The following STK36 variants were observed in gnomAD, a reference collection of about 807,000 sequenced individuals.
The protein encoded by STK36 is serine/threonine kinase 36, also known as serine/threonine-protein kinase 36.
Under a neutral mutation model 142.2 loss-of-function variants are expected in STK36, and 116 were observed. The observed-to-expected ratio is 0.82, with a 90% CI of 0.70 to 0.95. The LOEUF is 0.95. Among genes scored for constraint, STK36 ranks in the 40% least tolerant of loss-of-function variants. The pLI, the probability that STK36 is intolerant of heterozygous loss-of-function variation, is 0.00. For missense variants in STK36, 1,422 were observed against 1,617.2 expected, an observed-to-expected ratio of 0.88 and a Z score of 2.07; for synonymous variants, 619 against 641.7, an observed-to-expected ratio of 0.96 and a Z score of 0.53.
Position 218,680,615 on chromosome 2 carries a change from C to A in STK36, c.1149C>A (p.Thr383=). 1 of 1,613,182 alleles carries A rather than the reference C, an allele frequency of 6.2e-7. No individual in the cohort carries two copies. Among genetic ancestry groups the A allele is most frequent in the Non-Finnish European group, 8.5e-7 (1 of 1,179,730 alleles). The change falls in exon 10 of 27, where the codon ACC becomes ACA. Residue 383 remains threonine, a synonymous_variant. Coordinates refer to ENST00000295709, the MANE Select transcript of STK36 (RefSeq NM_015690.5). ...CTTCCTCCGGCAGGGAAAACCGGAC[C>A]ACCCCAGATTGTGAACGAGCATTCC... ...EVPSAPRENR[T]TPDCERAFPE...
chr2:218,683,733 C>G (rs1426955659), intron 10 of STK36, among the ~76,000 whole-genome samples: 1 of 152,176 alleles, frequency 6.6e-6, no homozygotes, highest in Admixed American at 6.5e-5. Context: ...TATCCCTCCC[C>G]CTTCCCCCAC....
rs757033557 is a variant in STK36 at position 218,673,783 on chromosome 2, T to C, written c.225+18T>C. The C allele has an allele frequency of 2.5e-6, 4 of 1,613,632 alleles. No individual in the cohort carries two copies. The highest frequency in any genetic ancestry group is 2.5e-6 in the Non-Finnish European group (3 of 1,179,660). ...ATAAAGAGGTGTGCTTTGACAGTTT[T>C]GGGCCCTGTCTCCCCAAGCACAAGG... On this transcript the variant is annotated intron_variant, in intron 3 of 26. Coordinates refer to ENST00000295709, the MANE Select transcript of STK36 (RefSeq NM_015690.5).
In STK36 at chr2:218,673,673, C is replaced by A; in HGVS notation, c.133C>A (p.Leu45Met). ...IPKLGRSEKE[L>M]RNLQREIEIM... ...AAAATTGGGGCGCTCAGAGAAGGAGCTGAGGAATTTGCAACGAGAGATTGA... is the reference window on the plus strand; with the variant it reads ...AAAATTGGGGCGCTCAGAGAAGGAGATGAGGAATTTGCAACGAGAGATTGA... Residue 45 changes from leucine (L) to methionine (M), a missense_variant, in exon 3 of 27, where the codon CTG (leucine) becomes ATG (methionine). Physicochemically the swap from Leu to Met is conservative, Grantham distance 15 (BLOSUM62 2). This residue lies in a region of STK36 where 460 missense variants were observed against 449.6 expected (regional missense o/e 1.02). Transcript: ENST00000295709. 6.2e-7 allele frequency: 1 copy of A among 1,614,176 alleles called. No individual in the cohort carries two copies. The highest frequency in any genetic ancestry group is 8.5e-7 in the Non-Finnish European group (1 of 1,180,032).
chr2:218,693,314 GCATCC>G lies in STK36; in HGVS notation c.2124_2128del (p.Ile709ValfsTer16). The G allele has an allele frequency of 6.2e-7, 1 of 1,614,176 alleles. No individual in the cohort carries two copies. The highest frequency in any genetic ancestry group is 8.5e-7 in the Non-Finnish European group (1 of 1,180,020). On this transcript the variant is annotated frameshift_variant, in exon 17 of 27. Coordinates refer to ENST00000295709, the MANE Select transcript of STK36 (RefSeq NM_015690.5). LOFTEE classifies it high-confidence loss of function. Reference sequence around the variant, plus strand: ...GGCCATCCCTCATCTCTGGCCTGCAGCATCCCATCCTGTGCCTGCACCTTCTCAAG... The same window carrying G: ...GGCCATCCCTCATCTCTGGCCTGCAGCATCCTGTGCCTGCACCTTCTCAAG...
chr2:218,693,813 C>G lies in STK36; in HGVS notation c.2239C>G (p.Gln747Glu), dbSNP rs1427168891. ...LALESLFMLI[Q>E]GKVKVVDWEE... ...CTTGGAATCCCTGTTTATGTTGATT[C>G]AGGGCAAGGTAAGCCAGCTTCCCCT... The change falls in exon 18 of 27, where the codon CAG (glutamine) becomes GAG (glutamate). Residue 747 changes from glutamine (Q) to glutamate (E), a missense_variant. This residue lies in a region of STK36 where 962 missense variants were observed against 1,167.5 expected (regional missense o/e 0.82). Coordinates refer to ENST00000295709, the MANE Select transcript of STK36 (RefSeq NM_015690.5). 2.5e-6 allele frequency: 4 copies of G among 1,614,054 alleles called. No individual in the cohort carries two copies. Among genetic ancestry groups the G allele is most frequent in the Middle Eastern group, 1.6e-4 (1 of 6,084 alleles).
At chr2:218,690,868 C>T (rs1354943546) in intron 14 of STK36, among the ~76,000 whole-genome samples, 1 of 152,164 alleles carries the variant, frequency 6.6e-6, no homozygotes, top group East Asian at 1.9e-4. Context: ...GCACTTAACA[C>T]TATTTGGAGT....
chr2:218,695,020 T>TC (rs1382986815), intron 21 of STK36, among the ~76,000 whole-genome samples: 1 of 152,142 alleles, frequency 6.6e-6, no homozygotes, highest in Non-Finnish European at 1.5e-5. Context: ...CACTCTGCTT[T>TC]CCCCACTTGT....
chr2:218,691,935 A>G (rs1290589685), intron 14 of STK36, among the ~76,000 whole-genome samples: 6 of 152,234 alleles, frequency 3.9e-5, no homozygotes, highest in African/African-American at 1.4e-4. Context: ...TGATCAGAGA[A>G]TAGAAGGATT....
chr2:218,675,934 C>A, intron 5 of STK36, 95 bp from the exon 6 acceptor site: 1 of 1,518,714 alleles, frequency 6.6e-7, no homozygotes, highest in Non-Finnish European at 9.0e-7. Flanking sequence ...AAGGTGCTCC[C>A]TCTGCTCCGG....
Position 218,696,551 on chromosome 2 carries a change from T to C in STK36, c.2536T>C (p.Cys846Arg), listed in dbSNP as rs750755825. 6.2e-7 allele frequency: 1 copy of C among 1,614,148 alleles called. No homozygotes were observed. The highest frequency in any genetic ancestry group is 1.7e-5 in the Admixed American group (1 of 60,020). The change falls in exon 22 of 27, where the codon TGT becomes CGT. Residue 846 changes from cysteine to arginine, a missense_variant. Coordinates refer to ENST00000295709, the MANE Select transcript of STK36 (RefSeq NM_015690.5). ...GGTTCGGTTGACTCCACCAGGTAGT[T>C]GTGGATTCTATGATGGCCTCCTTAT... Reference protein sequence around the residue: ...AEVRLTPPGSCGFYDGLLILL... With the variant: ...AEVRLTPPGSRGFYDGLLILL...
chr2:218,677,804 T>C (rs1427520331), intron 6 of STK36, among the ~76,000 whole-genome samples: 1 of 152,172 alleles, frequency 6.6e-6, no homozygotes, highest in African/African-American at 2.4e-5. Context: ...ATTTCTTTTT[T>C]CTTTGAGATG....
At chr2:218,675,195 A>G (rs1940177832) in intron 4 of STK36, 148 bp from the exon 5 acceptor site, 3 of 822,730 alleles carry the variant, frequency 3.6e-6, no homozygotes, top group Non-Finnish European at 5.4e-6. Context: ...AAACAAGGGG[A>G]ACAATAACTA....
rs1288253633 is a variant in STK36, at chr2:218,692,453, C to A, written c.1916-130C>A. The A allele has an allele frequency of 9.4e-6, 14 of 1,490,950 alleles. No individual in the cohort carries two copies. The African/African-American group carries it at 1.3e-4, about 13-fold the overall frequency. 92.4% of individuals were successfully genotyped at this position (1,490,950 alleles called of 1,614,324 possible). On this transcript the variant is annotated intron_variant, in intron 15 of 26. Coordinates refer to ENST00000295709, the MANE Select transcript of STK36 (RefSeq NM_015690.5). Reference sequence around the variant, plus strand: ...TGAATGGGGATCTGAGGGAAACAAACAGACCTCATCCTGCATTCTTCCCAC... The same window carrying A: ...TGAATGGGGATCTGAGGGAAACAAAAAGACCTCATCCTGCATTCTTCCCAC...
chr2:218,683,815 A>C (rs1228411434), intron 10 of STK36, among the ~76,000 whole-genome samples: 12 of 151,526 alleles, frequency 7.9e-5, no homozygotes, highest in Admixed American at 7.9e-4. Flanking sequence ...ATTCCCACCT[A>C]TGAGTGAGAA....
chr2:218,696,761 G>A (rs888395606), intron 22 of STK36, 160 bp downstream of exon 22: 4 of 934,832 alleles, frequency 4.3e-6, no homozygotes, highest in Non-Finnish European at 7.0e-6. Flanking sequence ...CCTCAGTACT[G>A]ACCCTTTGAA....
intron 26 of STK36, among the ~76,000 whole-genome samples, chr2:218,699,549 A>G (rs1334590521): frequency 2.6e-5 from 4 of 152,112 alleles, no homozygotes; most frequent in African/African-American, 7.2e-5. Context: ...GAGGGCTCCA[A>G]TGGGCTGGGA....
chr2:218,696,452 T>C, intron 21 of STK36, 75 bp from the exon 22 acceptor site: 1 of 1,306,820 alleles, frequency 7.7e-7, no homozygotes, highest in Non-Finnish European at 1.1e-6. Flanking sequence ...CATGGCACCA[T>C]CACTGACCTG....
rs1239903855 is a variant in STK36, at chr2:218,688,882, C to T, written c.1560+6C>T. ...AGAGCAACAGCCTCCAGCAGGTAAG[C>T]ACCAGGCCAGAAGCCTCTGAAGACT... On this transcript the variant is annotated splice_donor_region_variant and intron_variant, in intron 12 of 26. Transcript: ENST00000295709. 2 of 1,601,084 alleles carry T rather than the reference C, an allele frequency of 1.2e-6. No homozygotes were observed. Among genetic ancestry groups the T allele is most frequent in the Admixed American group, 1.7e-5 (1 of 57,534 alleles).
rs938878070 is a variant in STK36 at position 218,697,741 on chromosome 2, A to G, written c.2910-113A>G. 3 of 1,590,042 alleles carry G rather than the reference A, an allele frequency of 1.9e-6. No homozygotes were observed. The African/African-American group carries it at 4.0e-5, about 21-fold the overall frequency. On this transcript the variant is annotated intron_variant, in intron 24 of 26. Coordinates refer to ENST00000295709, the MANE Select transcript of STK36 (RefSeq NM_015690.5). ...AGATCAGGTTTAGGCTGGAAACCTA[A>G]GTAGTGGCTGAGACTGTAGAAGGGG...
Sources: allele counts gnomAD v4.1 joint callset (sites outside exome capture counted in the v4.1 genomes callset), GRCh38; gene constraint gnomAD v4.1.1; regional missense constraint gnomAD v4.1.1; transcripts MANE v1.5; gene names NCBI Gene and HGNC (gene_info 2026-07-23, HGNC 2026-07-21).